The following SLC26A7 variants were observed in gnomAD, a reference collection of about 807,000 sequenced individuals.
SLC26A7 encodes solute carrier family 26 member 7.
A neutral mutation model predicts 82.5 loss-of-function variants in SLC26A7; 59 were observed. The observed-to-expected ratio is 0.72, with a 90% CI of 0.58 to 0.89. The LOEUF (loss-of-function observed/expected upper bound fraction) is 0.89, where lower values mean the gene tolerates loss of function less well. SLC26A7 is among the 40% of genes least tolerant of loss of function. The pLI is 0.00. For synonymous variants in SLC26A7, 271 were observed against 274.3 expected (o/e 0.99, Z 0.12); for missense variants, 820 against 793.0 (o/e 1.03, Z -0.41).
intron 14 of SLC26A7, among the ~76,000 whole-genome samples, chr8:91,368,421 T>TTG (rs1490111598): frequency 2.0e-4 from 30 of 151,392 alleles, no homozygotes; most frequent in South Asian, 6.3e-4. Flanking sequence ...AGGTTTTTTT[T>TTG]TTTGTTTTTT....
At chr8:91,336,488 G>A (rs1813245142) in intron 6 of SLC26A7, among the ~76,000 whole-genome samples, 1 of 151,968 alleles carries the variant, frequency 6.6e-6, no homozygotes, top group Admixed American at 6.6e-5. Context: ...AGGTGGAACA[G>A]CTTCATCATC....
intron 15 of SLC26A7, among the ~76,000 whole-genome samples, 167 bp downstream of exon 15, chr8:91,370,000 G>A (rs1252579281): frequency 6.6e-6 from 1 of 150,668 alleles, no homozygotes; most frequent in Non-Finnish European, 1.5e-5. Context: ...CCTTCTACTG[G>A]CGTTAGCTTG....
chr8:91,216,503 G>C (rs146745668), intron 1 of SLC26A7, among the ~76,000 whole-genome samples: 1 of 152,124 alleles, frequency 6.6e-6, no homozygotes, highest in East Asian at 1.9e-4. Flanking sequence ...TCTATTAATT[G>C]TTCAGGTTTC....
At chr8:91,341,781 T>C (rs920886816) in intron 8 of SLC26A7, among the ~76,000 whole-genome samples, 9 of 152,174 alleles carry the variant, frequency 5.9e-5, no homozygotes, top group Middle Eastern at 3.2e-3. Flanking sequence ...CATACCCTTT[T>C]ATACTCTGTG....
Position 91,370,263 on chromosome 8 carries a change from T to C in SLC26A7, c.1675+430T>C, listed in dbSNP as rs1814319906. On this transcript the variant is annotated intron_variant, in intron 15 of 18. Coordinates refer to ENST00000276609, the MANE Select transcript of SLC26A7 (RefSeq NM_052832.4). The stretch of plus-strand genomic sequence containing the variant: ...CTTCTTCCTCTTCCCTGTTCTCTCT[T>C]CAATCTCCTCCTCCCATTTTCTTTC... Among the ~76,000 whole-genome samples the C allele has an allele frequency of 4.0e-5, 6 of 151,374 alleles. No homozygotes were observed. In the South Asian group the frequency reaches 1.3e-3, roughly 32 times the overall value.
chr8:91,213,927 A>G (rs1482206805), intron 1 of SLC26A7, among the ~76,000 whole-genome samples: 2 of 152,130 alleles, frequency 1.3e-5, no homozygotes, highest in Admixed American at 6.5e-5. Context: ...GAACCTGTCA[A>G]AGGATTAGAT....
chr8:91,260,220 C>T (rs1810924495), intron 2 of SLC26A7, among the ~76,000 whole-genome samples: 1 of 152,040 alleles, frequency 6.6e-6, no homozygotes, highest in African/African-American at 2.4e-5. Flanking sequence ...AAAACAAGCA[C>T]CTTCTTCACA....
chr8:91,210,460 CTTCTGTTGACTTGCAGAGTAAGAAAA>C (rs1217798420), intron 1 of SLC26A7, among the ~76,000 whole-genome samples: 1 of 151,928 alleles, frequency 6.6e-6, no homozygotes, highest in Non-Finnish European at 1.5e-5. Flanking sequence ...TGAGGCTTTC[CTTCTGTTGACTTGCAGAGTAAGAAAA>C]TAGAACCACT....
chr8:91,256,283 A>G (rs900532509), intron 2 of SLC26A7, among the ~76,000 whole-genome samples: 2 of 152,132 alleles, frequency 1.3e-5, no homozygotes, highest in Admixed American at 1.3e-4. Context: ...TGAGAGCAGG[A>G]TCTAGCCATA....
chr8:91,302,610 C>T (rs375432297), intron 4 of SLC26A7, among the ~76,000 whole-genome samples: 4 of 152,024 alleles, frequency 2.6e-5, no homozygotes, highest in Non-Finnish European at 5.9e-5. Flanking sequence ...TTAGAATGTA[C>T]AATTTGATCT....
At chr8:91,378,519 A>G (rs1055668288) in intron 15 of SLC26A7, among the ~76,000 whole-genome samples, 1 of 150,264 alleles carries the variant, frequency 6.7e-6, no homozygotes, top group Admixed American at 6.7e-5. Context: ...ATGTTGTAAT[A>G]AATGTGAGAA....
At chr8:91,394,387 A>G in intron 18 of SLC26A7, 2 of 1,506,378 alleles carry the variant, frequency 1.3e-6, no homozygotes, top group Non-Finnish European at 1.8e-6. Flanking sequence ...TAAAAACTCT[A>G]AATATGGCCT....
intron 2 of SLC26A7, among the ~76,000 whole-genome samples, chr8:91,240,265 T>C (rs1810455810): frequency 6.6e-6 from 1 of 152,204 alleles, no homozygotes; most frequent in South Asian, 2.1e-4. Context: ...TCTATTCTAG[T>C]ATATGTATTT....
intron 15 of SLC26A7, among the ~76,000 whole-genome samples, chr8:91,374,396 TGCTGTA>T (rs1814450649): frequency 6.7e-6 from 1 of 150,178 alleles, no homozygotes. Context: ...TTTTTTTTTT[TGCTGTA>T]TCTTAGAGGT....
intron 4 of SLC26A7, among the ~76,000 whole-genome samples, chr8:91,302,934 T>C (rs556192165): frequency 6.6e-6 from 1 of 151,834 alleles, no homozygotes; most frequent in African/African-American, 2.4e-5. Flanking sequence ...TTAGGACTCA[T>C]GCAATTTCTG....
chr8:91,247,576 A>T (rs552172553), upstream of SLC26A7, among the ~76,000 whole-genome samples: 156 of 152,288 alleles, frequency 1.0e-3, no homozygotes, highest in African/African-American at 3.7e-3. Flanking sequence ...TTTAGGAAAG[A>T]TTCATTCTAA....
intron 2 of SLC26A7, among the ~76,000 whole-genome samples, chr8:91,287,675 T>C (rs1811748122): frequency 1.3e-5 from 2 of 152,360 alleles, no homozygotes; most frequent in South Asian, 4.1e-4. Flanking sequence ...ATAATTTTTA[T>C]CAGGTAACTT....
chr8:91,247,400 G>A (rs1445879840), upstream of SLC26A7, among the ~76,000 whole-genome samples: 1 of 152,046 alleles, frequency 6.6e-6, no homozygotes, highest in African/African-American at 2.4e-5. Flanking sequence ...TCTTATGTGT[G>A]TGAATAAATT....
chr8:91,389,215 TAA>T (rs899563319), intron 15 of SLC26A7, 121 bp from the exon 16 acceptor site: 4 of 677,676 alleles, frequency 5.9e-6, no homozygotes, highest in African/African-American at 1.8e-5. Context: ...ATGTAAAAAT[TAA>T]AAGTGTTTAG....
Sources: gnomAD v4.1 joint callset for allele counts (sites outside exome capture counted in the v4.1 genomes callset) on GRCh38, gnomAD v4.1.1 for gene constraint, MANE v1.5 for transcripts, NCBI Gene and HGNC (gene_info 2026-07-23, HGNC 2026-07-21) for gene names.